Variants in TMEM38B observed in about 807,000 individuals in gnomAD.
The protein encoded by TMEM38B is trimeric intracellular cation channel type B.
Under a neutral mutation model 28.7 loss-of-function variants are expected in TMEM38B, and 24 were observed. That is an observed-to-expected ratio of 0.84 (90% CI 0.61 to 1.18). The LOEUF (loss-of-function observed/expected upper bound fraction) is 1.18, where lower values mean the gene tolerates loss of function less well. Ranked by LOEUF, TMEM38B falls within the 50% of genes most tolerant of loss-of-function variation. The pLI is 0.00. For synonymous variants in TMEM38B, 131 were observed against 127.7 expected, an observed-to-expected ratio of 1.03 and a Z score of -0.17; for missense variants, 380 against 350.9, an observed-to-expected ratio of 1.08 and a Z score of -0.66.
At chr9:105,708,028 G>C (rs1480368682) in intron 2 of TMEM38B, among the ~76,000 whole-genome samples, 1 of 148,798 alleles carries the variant, frequency 6.7e-6, no homozygotes, top group African/African-American at 2.5e-5. Flanking sequence ...TTCTACTTCT[G>C]TTCCTATAAT....
intron 2 of TMEM38B, among the ~76,000 whole-genome samples, chr9:105,709,487 A>G (rs1272629221): frequency 6.6e-6 from 1 of 152,190 alleles, no homozygotes; most frequent in African/African-American, 2.4e-5. Context: ...CAAACAAGAC[A>G]ATTAGGCCAT....
chr9:105,772,365 A>G (rs2133657800), intron 5 of TMEM38B, among the ~76,000 whole-genome samples: 1 of 152,168 alleles, frequency 6.6e-6, no homozygotes, highest in South Asian at 2.1e-4. Context: ...GCCTTCTCAC[A>G]TTCCAACCTA....
Position 105,765,532 on chromosome 9 carries a change from C to T in TMEM38B, c.661-8333C>T, listed in dbSNP as rs188022552. Among the ~76,000 whole-genome samples, 184 of 152,308 alleles carry T rather than the reference C, an allele frequency of 1.2e-3. 1 individual carries two copies. Among genetic ancestry groups the T allele is most frequent in the Admixed American group, 2.3e-3 (35 of 15,300 alleles). On this transcript the variant is annotated intron_variant, in intron 5 of 5. Coordinates refer to ENST00000374692, the MANE Select transcript of TMEM38B (RefSeq NM_018112.3). ...AGCCACTACCCATAGCCCCAGTATA[C>T]CATTTATCCACTTTATATCACTACA... is the stretch of plus-strand genomic sequence containing the variant.
At chr9:105,705,385 G>T (rs1157266297) in intron 1 of TMEM38B, among the ~76,000 whole-genome samples, 3 of 152,134 alleles carry the variant, frequency 2.0e-5, no homozygotes, top group Non-Finnish European at 4.4e-5. Flanking sequence ...AGGTGCCAAA[G>T]TGCCAAAAAT....
At chr9:105,721,500 C>A in intron 2 of TMEM38B, 37 bp from the exon 3 acceptor site, 1 of 1,402,464 alleles carries the variant, frequency 7.1e-7, no homozygotes, top group Non-Finnish European at 9.5e-7. Context: ...TCTTCTGATT[C>A]CATTAATATA....
chr9:105,752,797 A>G (rs73520076), intron 5 of TMEM38B, among the ~76,000 whole-genome samples: 2,233 of 152,348 alleles, frequency 0.015, 36 homozygotes, highest in African/African-American at 0.042. Context: ...CAGCAAGGGC[A>G]TGGAACTAGG....
intron 5 of TMEM38B, among the ~76,000 whole-genome samples, chr9:105,771,784 A>G (rs1826552875): frequency 6.6e-6 from 1 of 152,266 alleles, no homozygotes; most frequent in African/African-American, 2.4e-5. Flanking sequence ...TTATGCATTT[A>G]CCTTTCGCTT....
intron 5 of TMEM38B, chr9:105,758,789 A>T: frequency 1.2e-6 from 1 of 827,608 alleles, no homozygotes; most frequent in Non-Finnish European, 2.1e-6. Flanking sequence ...GATTACATTT[A>T]TCTCAGGAAA....
chr9:105,696,127 C>CT, intron 1 of TMEM38B, among the ~76,000 whole-genome samples: 1 of 152,066 alleles, frequency 6.6e-6, no homozygotes, highest in Non-Finnish European at 1.5e-5. Context: ...TTTCCAGAGG[C>CT]TACCTGAGTT....
intron 5 of TMEM38B, among the ~76,000 whole-genome samples, chr9:105,763,052 T>A (rs1588471815): frequency 6.7e-6 from 1 of 148,884 alleles, no homozygotes; most frequent in Non-Finnish European, 1.5e-5. Context: ...TGCATAAATG[T>A]CTTCTTTTGA....
At chr9:105,746,252 T>C (rs555024270) in intron 4 of TMEM38B, among the ~76,000 whole-genome samples, 216 of 152,244 alleles carry the variant, frequency 1.4e-3, no homozygotes, top group African/African-American at 4.9e-3. Flanking sequence ...TTTTATTTCA[T>C]TGAGCAGTGG....
intron 5 of TMEM38B, among the ~76,000 whole-genome samples, chr9:105,761,971 T>C (rs1838068086): frequency 6.6e-6 from 1 of 152,124 alleles, no homozygotes; most frequent in Admixed American, 6.6e-5. Flanking sequence ...ACAAGGTTCT[T>C]CAGGTTTCTG....
At chr9:105,751,701 G>T (rs546497352) in intron 5 of TMEM38B, among the ~76,000 whole-genome samples, 2 of 152,190 alleles carry the variant, frequency 1.3e-5, no homozygotes, top group South Asian at 4.1e-4. Flanking sequence ...GAGTTCCTGG[G>T]GGGAGGGGCG....
chr9:105,706,988 G>A (rs1400744334), intron 2 of TMEM38B, among the ~76,000 whole-genome samples: 2 of 152,072 alleles, frequency 1.3e-5, no homozygotes, highest in Non-Finnish European at 2.9e-5. Context: ...ATGTTGGCCA[G>A]GCTGTTCTCA....
chr9:105,757,054 C>T (rs1837860382), intron 5 of TMEM38B, among the ~76,000 whole-genome samples: 1 of 152,082 alleles, frequency 6.6e-6, no homozygotes, highest in African/African-American at 2.4e-5. Context: ...TGTCCTTCAT[C>T]TCTCTCCCAC....
At chr9:105,748,037 T>C (rs528618828) in intron 4 of TMEM38B, 36 bp from the exon 5 acceptor site, 3 of 1,393,908 alleles carry the variant, frequency 2.2e-6, no homozygotes, top group Non-Finnish European at 2.0e-6. Context: ...ATGTCATATT[T>C]ATTACTTGCT....
At chr9:105,773,429 G>A (rs188224676) in intron 5 of TMEM38B, among the ~76,000 whole-genome samples, 230 of 152,154 alleles carry the variant, frequency 1.5e-3, no homozygotes, top group Non-Finnish European at 2.6e-3. Flanking sequence ...TTGTGATTTT[G>A]GGCAAGTTAT....
chr9:105,729,432 TG>T lies in TMEM38B; in HGVS notation c.542+6813del, dbSNP rs1836647440. Among the ~76,000 whole-genome samples the T allele has an allele frequency of 2.6e-5, 4 of 152,334 alleles. No homozygotes were observed. In the South Asian group the frequency reaches 6.2e-4, roughly 24 times the overall value. On this transcript the variant is annotated intron_variant, in intron 4 of 5. Transcript: ENST00000374692. ...CTCTAAGGTCTCTGTTCTGTTCCAT[TG>T]GTCTACATCTCTGTTTTGGTACCAG...
At chr9:105,712,468 C>T (rs1835940577) in intron 2 of TMEM38B, among the ~76,000 whole-genome samples, 1 of 152,128 alleles carries the variant, frequency 6.6e-6, no homozygotes, top group South Asian at 2.1e-4. Context: ...TTTCCATAGT[C>T]CAGAGTTTGC....
Sources: gnomAD v4.1 joint callset for allele counts (sites outside exome capture counted in the v4.1 genomes callset) on GRCh38, gnomAD v4.1.1 for gene constraint, MANE v1.5 for transcripts, NCBI Gene and HGNC (gene_info 2026-07-23, HGNC 2026-07-21) for gene names.